Variants in CAST observed in about 807,000 individuals in gnomAD.
CAST encodes the protein MIR583 host.
CAST carries 76 observed loss-of-function variants against 119.6 expected under a neutral mutation model. The observed-to-expected ratio is 0.64, with a 90% CI of 0.53 to 0.77. The LOEUF is 0.77. Ranked by LOEUF, CAST falls within the 30% of genes least tolerant of loss-of-function variation. CAST has a pLI of 0.00. For synonymous variants in CAST, 319 were observed against 331.6 expected (o/e 0.96, Z 0.41); for missense variants, 953 against 946.5 (o/e 1.01, Z -0.09).
At chr5:95,966,306 T>A in the CAST span, among the ~76,000 whole-genome samples, 28 of 152,298 alleles carry the variant, frequency 1.8e-4, no homozygotes, top group African/African-American at 6.3e-4. Context: ...CATGTCCATA[T>A]GATTTTCTGA....
the CAST span, chr5:96,432,794 G>T: frequency 7.3e-7 from 1 of 1,363,610 alleles, no homozygotes; most frequent in South Asian, 1.2e-5. Context: ...CTCCCACTTG[G>T]AAGACCGCGC....
chr5:96,632,528 T>C (rs926081951), intron 1 of CAST, among the ~76,000 whole-genome samples: 1 of 152,170 alleles, frequency 6.6e-6, no homozygotes, highest in African/African-American at 2.4e-5. Context: ...TAATCCCAGG[T>C]CTTAAAGATT....
the CAST span, among the ~76,000 whole-genome samples, chr5:96,360,257 G>A: frequency 0.023 from 3,497 of 151,904 alleles, 144 homozygotes; most frequent in African/African-American, 0.079. Context: ...AAGGTTCTTA[G>A]CCTCCTTGCA....
chr5:96,248,350 G>T, the CAST span, among the ~76,000 whole-genome samples: 1 of 152,204 alleles, frequency 6.6e-6, no homozygotes, highest in African/African-American at 2.4e-5. Context: ...TGAGCTAAAT[G>T]AGATAGTATC....
At chr5:96,335,869 C>A in the CAST span, among the ~76,000 whole-genome samples, 1 of 152,182 alleles carries the variant, frequency 6.6e-6, no homozygotes, top group African/African-American at 2.4e-5. Flanking sequence ...TCCAACTGAT[C>A]ATTACATCCT....
the CAST span, among the ~76,000 whole-genome samples, chr5:96,238,343 CTTCATCTTCATCTT>C: frequency 2.3e-5 from 3 of 129,444 alleles, no homozygotes; most frequent in Admixed American, 2.3e-4. Context: ...TCTTCTTCTT[CTTCATCTTCATCTT>C]CTTCTTCTCC....
the CAST span, chr5:95,961,558 C>G: frequency 6.4e-7 from 1 of 1,565,624 alleles, no homozygotes; most frequent in Non-Finnish European, 8.6e-7. Flanking sequence ...GCCCAGCCTG[C>G]CGGCCGGCCC....
chr5:96,025,750 A>C, the CAST span, among the ~76,000 whole-genome samples: 1 of 152,196 alleles, frequency 6.6e-6, no homozygotes, highest in Non-Finnish European at 1.5e-5. Context: ...GCTGTCAAGG[A>C]AGGCTTTTCT....
At chr5:96,447,439 C>T in the CAST span, among the ~76,000 whole-genome samples, 1 of 152,220 alleles carries the variant, frequency 6.6e-6, no homozygotes, top group Non-Finnish European at 1.5e-5. Flanking sequence ...ATATACCCAG[C>T]ACACACAAGT....
the CAST span, chr5:96,079,284 G>A: frequency 3.0e-6 from 1 of 337,880 alleles, no homozygotes; most frequent in South Asian, 2.4e-5. Context: ...TTACCAAATG[G>A]CATCAGGCTT....
chr5:96,600,777 A>C (rs1747136219), intron 1 of CAST, among the ~76,000 whole-genome samples: 1 of 152,182 alleles, frequency 6.6e-6, no homozygotes, highest in African/African-American at 2.4e-5. Flanking sequence ...AAAAGCTTAT[A>C]AGGCTTAAGC....
the CAST span, among the ~76,000 whole-genome samples, chr5:96,054,818 T>C: frequency 6.6e-6 from 1 of 152,144 alleles, no homozygotes; most frequent in African/African-American, 2.4e-5. Flanking sequence ...CACTGTGGTG[T>C]GTGAAGAGCA....
chr5:96,332,397 T>G, the CAST span, among the ~76,000 whole-genome samples: 1 of 152,016 alleles, frequency 6.6e-6, no homozygotes, highest in African/African-American at 2.4e-5. Flanking sequence ...TACTTTTCTT[T>G]CTTTAAATTG....
At chr5:96,134,722 A>G in the CAST span, among the ~76,000 whole-genome samples, 1 of 152,252 alleles carries the variant, frequency 6.6e-6, no homozygotes, top group South Asian at 2.1e-4. Context: ...TCTCTCACCC[A>G]GTCAATATTT....
At chr5:96,301,168 G>A in the CAST span, among the ~76,000 whole-genome samples, 21 of 152,076 alleles carry the variant, frequency 1.4e-4, no homozygotes. Flanking sequence ...CTACATGTCT[G>A]GAACAGGAGG....
At chr5:96,573,724 C>A (rs1002384156) in intron 1 of CAST, among the ~76,000 whole-genome samples, 2 of 152,098 alleles carry the variant, frequency 1.3e-5, no homozygotes, top group African/African-American at 4.8e-5. Flanking sequence ...ACACTGCAAA[C>A]AAGATAGAGA....
At chr5:96,222,312 G>A in the CAST span, among the ~76,000 whole-genome samples, 1 of 152,116 alleles carries the variant, frequency 6.6e-6, no homozygotes, top group Middle Eastern at 3.2e-3. Context: ...CATCAACAGA[G>A]TGAAGAGACA....
At chr5:96,615,693 T>C (rs999327951) in intron 1 of CAST, among the ~76,000 whole-genome samples, 1 of 152,154 alleles carries the variant, frequency 6.6e-6, no homozygotes. Context: ...TATTATTTAA[T>C]GGTTCTTGCT....
chr5:95,991,354 G>T, the CAST span, among the ~76,000 whole-genome samples: 1 of 152,128 alleles, frequency 6.6e-6, no homozygotes, highest in Non-Finnish European at 1.5e-5. Context: ...AGATTGTTAT[G>T]ATGACCATAC....
Sources: gnomAD v4.1 joint callset for allele counts (sites outside exome capture counted in the v4.1 genomes callset) on GRCh38, gnomAD v4.1.1 for gene constraint, MANE v1.5 for transcripts, NCBI Gene and HGNC (gene_info 2026-07-23, HGNC 2026-07-21) for gene names.